CPQ: variants seen among roughly 807,000 people sequenced by gnomAD.
CPQ encodes the protein carboxypeptidase Q.
Under a neutral mutation model 45.7 loss-of-function variants are expected in CPQ, and 37 were observed. The ratio of observed to expected loss-of-function variants is 0.81; its 90% CI spans 0.62 to 1.07. CPQ has a LOEUF of 1.07. CPQ is among the 50% of genes least tolerant of loss of function. The pLI, the probability that CPQ is intolerant of heterozygous loss-of-function variation, is 0.00. For synonymous variants in CPQ, 186 were observed against 205.8 expected (o/e 0.90, Z 0.82); for missense variants, 537 against 572.9 (o/e 0.94, Z 0.64).
chr8:96,660,785 C>T (rs943983413), intron 1 of CPQ, among the ~76,000 whole-genome samples: 1 of 152,068 alleles, frequency 6.6e-6, no homozygotes, highest in Admixed American at 6.6e-5. Context: ...CTCTTCCTAC[C>T]ATACCTATGA....
chr8:96,829,915 AG>A (rs1811430140), intron 2 of CPQ, among the ~76,000 whole-genome samples: 1 of 152,278 alleles, frequency 6.6e-6, no homozygotes, highest in South Asian at 2.1e-4. Context: ...CCCAGTAGGA[AG>A]GCTATACATT....
intron 5 of CPQ, among the ~76,000 whole-genome samples, chr8:96,978,254 C>T (rs1007015789): frequency 1.3e-5 from 2 of 152,182 alleles, no homozygotes; most frequent in African/African-American, 4.8e-5. Context: ...ACACACTCAA[C>T]AACCTTATGT....
intron 7 of CPQ, among the ~76,000 whole-genome samples, chr8:97,112,970 T>C (rs1221748808): frequency 1.3e-5 from 2 of 152,162 alleles, no homozygotes; most frequent in African/African-American, 4.8e-5. Flanking sequence ...TATCTGGGCC[T>C]CAGGAGAGGC....
At chr8:96,880,495 TG>T in intron 4 of CPQ, among the ~76,000 whole-genome samples, 1 of 139,078 alleles carries the variant, frequency 7.2e-6, no homozygotes, top group East Asian at 2.1e-4. Context: ...AATGGTGGGC[TG>T]GCTAAAAAAC....
chr8:96,769,572 G>T, intron 1 of CPQ, among the ~76,000 whole-genome samples: 1 of 149,968 alleles, frequency 6.7e-6, no homozygotes, highest in Non-Finnish European at 1.5e-5. Flanking sequence ...CATAGATTTT[G>T]CAAGCCGTAA....
chr8:96,697,559 G>A (rs1809402413), intron 1 of CPQ, among the ~76,000 whole-genome samples: 1 of 152,060 alleles, frequency 6.6e-6, no homozygotes, highest in Admixed American at 6.6e-5. Context: ...TGGAATGGAA[G>A]AAGTCAAATT....
chr8:96,943,072 C>T (rs1813144671), intron 4 of CPQ, among the ~76,000 whole-genome samples: 1 of 152,110 alleles, frequency 6.6e-6, no homozygotes, highest in Admixed American at 6.6e-5. Flanking sequence ...CAGGTAATGT[C>T]CAGTGGCTTG....
At chr8:97,099,468 GA>G (rs1357091173) in intron 7 of CPQ, among the ~76,000 whole-genome samples, 5 of 151,820 alleles carry the variant, frequency 3.3e-5, no homozygotes. Context: ...ATCAGGCTTA[GA>G]AGGGGCAGGT....
chr8:96,894,629 A>G (rs1812420456), intron 4 of CPQ, among the ~76,000 whole-genome samples: 1 of 152,240 alleles, frequency 6.6e-6, no homozygotes, highest in Non-Finnish European at 1.5e-5. Flanking sequence ...TCTGCAAGAA[A>G]TTTAGTTCTA....
At chr8:97,079,187 T>C (rs1304621087) in intron 7 of CPQ, among the ~76,000 whole-genome samples, 1 of 152,178 alleles carries the variant, frequency 6.6e-6, no homozygotes, top group Non-Finnish European at 1.5e-5. Flanking sequence ...CTTTATAATG[T>C]GGGGAAGAGA....
At chr8:96,648,275 G>A (rs906052371) in intron 1 of CPQ, among the ~76,000 whole-genome samples, 1 of 152,086 alleles carries the variant, frequency 6.6e-6, no homozygotes, top group African/African-American at 2.4e-5. Flanking sequence ...CTGGTGTGAT[G>A]GAATAGACCT....
At chr8:97,043,086 T>G (rs1810161641) in intron 6 of CPQ, among the ~76,000 whole-genome samples, 1 of 151,988 alleles carries the variant, frequency 6.6e-6, no homozygotes, top group Non-Finnish European at 1.5e-5. Context: ...GACAGTGGGG[T>G]GTTAAAGTCT....
Position 96,958,377 on chromosome 8 carries a change from C to T in CPQ, c.850-7558C>T, listed in dbSNP as rs16895156. ...TCAGCTCTTCTACTCTTCCTGTCCTCTCAAATGAGACAACTTATACTGTGG... is the reference window on the plus strand; with the variant it reads ...TCAGCTCTTCTACTCTTCCTGTCCTTTCAAATGAGACAACTTATACTGTGG... On this transcript the variant is annotated intron_variant, in intron 4 of 7. Transcript: ENST00000220763. 9.3e-3 allele frequency among the ~76,000 whole-genome samples: 1,422 copies of T among 152,252 alleles called. 66 individuals are homozygous for T. The highest frequency in any genetic ancestry group is 0.084 in the Admixed American group (1,283 of 15,268).
intron 1 of CPQ, among the ~76,000 whole-genome samples, chr8:96,729,261 A>AT (rs1809880159): frequency 6.6e-6 from 1 of 152,202 alleles, no homozygotes; most frequent in African/African-American, 2.4e-5. Flanking sequence ...GCATGAAGCC[A>AT]TGCACATATA....
chr8:96,853,421 G>T (rs574828171), intron 3 of CPQ, among the ~76,000 whole-genome samples: 1 of 152,164 alleles, frequency 6.6e-6, no homozygotes, highest in Non-Finnish European at 1.5e-5. Context: ...GACATTTGCT[G>T]TTTGCTTTTG....
intron 5 of CPQ, among the ~76,000 whole-genome samples, chr8:96,967,214 C>T (rs1010512273): frequency 1.3e-5 from 2 of 152,138 alleles, no homozygotes; most frequent in South Asian, 4.1e-4. Flanking sequence ...TCAAAAATCA[C>T]CGATAATGAT....
rs1586443819 is a variant in CPQ, at chr8:96,899,891, G to A, written c.849+19886G>A. The stretch of plus-strand genomic sequence containing the variant: ...CTGGGTAAGAGAAAGTCGATATGAA[G>A]GGCACAAGATAATGGAGGAAGACAG... On this transcript the variant is annotated intron_variant, in intron 4 of 7. Transcript: ENST00000220763. 2.0e-5 allele frequency among the ~76,000 whole-genome samples: 3 copies of A among 147,682 alleles called. No homozygotes were observed. In the East Asian group the frequency reaches 5.8e-4, roughly 28 times the overall value.
intron 1 of CPQ, among the ~76,000 whole-genome samples, chr8:96,731,951 T>A (rs1334988339): frequency 6.6e-6 from 1 of 152,114 alleles, no homozygotes; most frequent in Admixed American, 6.5e-5. Flanking sequence ...AGAAGTGAAA[T>A]TGATTGATAT....
rs1357830546 is a variant in CPQ at position 96,701,741 on chromosome 8, C to T, written c.-35+56339C>T. Among the ~76,000 whole-genome samples, 3 of 152,176 alleles carry T rather than the reference C, an allele frequency of 2.0e-5. No individual in the cohort carries two copies. In the East Asian group the frequency reaches 5.8e-4, roughly 29 times the overall value. ...AATGCGTTCCTTGGCAGCCCTGGCC[C>T]TGCAAAGTTTGGCAGGAGGGGATTT... On this transcript the variant is annotated intron_variant, in intron 1 of 7. Transcript: ENST00000220763.
Sources: allele counts gnomAD v4.1 joint callset (sites outside exome capture counted in the v4.1 genomes callset), GRCh38; gene constraint gnomAD v4.1.1; transcripts MANE v1.5; gene names NCBI Gene and HGNC (gene_info 2026-07-23, HGNC 2026-07-21).